The following SESN1 variants were observed in gnomAD, a reference collection of about 807,000 sequenced individuals.
SESN1 encodes sestrin 1.
Under a neutral mutation model 59.3 loss-of-function variants are expected in SESN1, and 30 were observed. The ratio of observed to expected loss-of-function variants is 0.51; its 90% confidence interval spans 0.38 to 0.69. SESN1 has a LOEUF of 0.69. SESN1 is among the 30% of genes least tolerant of loss of function. The pLI, the probability that SESN1 is intolerant of heterozygous loss-of-function variation, is 0.00. For missense variants in SESN1, 566 were observed against 673.0 expected (o/e 0.84, Z 1.76); for synonymous variants, 197 against 219.9 (o/e 0.90, Z 0.92).
chr6:109,051,219 T>A (rs1780536947), intron 1 of SESN1, among the ~76,000 whole-genome samples: 1 of 152,122 alleles, frequency 6.6e-6, no homozygotes, highest in Non-Finnish European at 1.5e-5. Flanking sequence ...TTCTTTTGGA[T>A]CAGTAGCTTT....
rs1162579141 is a variant in SESN1, at chr6:108,985,079, C to T, written c.*2465G>A. Reference sequence around the variant, plus strand: ...GATTCATATATGATATTCACATATACAAATATGCTAGTAACATTTCTGATT... The same window carrying T: ...GATTCATATATGATATTCACATATATAAATATGCTAGTAACATTTCTGATT... On this transcript the variant is annotated 3_prime_UTR_variant, in exon 10 of 10. Transcript: ENST00000436639. 1.3e-5 allele frequency among the ~76,000 whole-genome samples: 2 copies of T among 152,072 alleles called. No homozygotes were observed. The highest frequency in any genetic ancestry group is 2.9e-5 in the Non-Finnish European group (2 of 68,028).
At chr6:109,049,778 T>G (rs1780514583) in intron 1 of SESN1, among the ~76,000 whole-genome samples, 1 of 151,160 alleles carries the variant, frequency 6.6e-6, no homozygotes. Context: ...TTTATATGTA[T>G]TTTTTAATAG....
chr6:109,035,887 C>T lies in SESN1; in HGVS notation c.280-33544G>A, dbSNP rs116013939. Among the ~76,000 whole-genome samples, 1,198 of 152,316 alleles carry T rather than the reference C, an allele frequency of 7.9e-3. 21 individuals carry two copies. Among genetic ancestry groups the T allele is most frequent in the African/African-American group, 0.028 (1,150 of 41,566 alleles). ...CCTCCTGAAGTGCTGGGATTACAGA[C>T]GTGACCACTGCACCACTATCACATA... On this transcript the variant is annotated intron_variant, in intron 1 of 9. Transcript: ENST00000436639.
At chr6:109,022,254 A>T (rs1397532528) in intron 1 of SESN1, among the ~76,000 whole-genome samples, 1 of 152,150 alleles carries the variant, frequency 6.6e-6, no homozygotes, top group Non-Finnish European at 1.5e-5. Flanking sequence ...TGTAGCAGTT[A>T]GGTAAATGAA....
chr6:109,037,814 C>A (rs2114407523), intron 1 of SESN1, among the ~76,000 whole-genome samples: 1 of 151,786 alleles, frequency 6.6e-6, no homozygotes, highest in East Asian at 1.9e-4. Context: ...AGAAACTTGT[C>A]ACCCAGATTC....
intron 1 of SESN1, among the ~76,000 whole-genome samples, chr6:109,066,890 T>G (rs2114461108): frequency 7.6e-6 from 1 of 131,872 alleles, no homozygotes; most frequent in Non-Finnish European, 1.6e-5. Flanking sequence ...AACGTTGAAG[T>G]AACAGATGCC....
chr6:108,999,116 A>T (rs1309972398), intron 4 of SESN1: 1 of 165,664 alleles, frequency 6.0e-6, no homozygotes, highest in East Asian at 1.8e-4. Flanking sequence ...ATTTGTGTTT[A>T]AAAGTAGAAG....
intron 7 of SESN1, among the ~76,000 whole-genome samples, chr6:108,992,476 G>T (rs1025960426): frequency 1.2e-4 from 18 of 151,834 alleles, no homozygotes; most frequent in Non-Finnish European, 2.5e-4. Context: ...TCATAATTCT[G>T]GTAAAATAGT....
chr6:109,038,790 A>G (rs1227593364), intron 1 of SESN1, among the ~76,000 whole-genome samples: 2 of 152,170 alleles, frequency 1.3e-5, no homozygotes, highest in African/African-American at 4.8e-5. Context: ...CATTGTAGGG[A>G]TCAGCTACTT....
rs1398205221 is a variant in SESN1, at chr6:109,000,508, T to C, written c.712A>G (p.Thr238Ala). The change falls in exon 4 of 10, where the codon ACC becomes GCC. Residue 238 changes from threonine (T) to alanine (A), a missense_variant. Transcript: ENST00000436639. The stretch of plus-strand genomic sequence containing the variant: ...CTGCTTACCTCAATGTGTTCTTTGG[T>C]AATAAGCCAAGGTCTATGGGCTAAC... Reference protein sequence around the residue: ...KVLAHRPWLITKEHIEGLLKA... With the variant: ...KVLAHRPWLIAKEHIEGLLKA... 7 of 1,590,562 alleles carry C rather than the reference T, an allele frequency of 4.4e-6. No individual in the cohort carries two copies. Among genetic ancestry groups the C allele is most frequent in the Non-Finnish European group, 6.0e-6 (7 of 1,168,174 alleles).
intron 6 of SESN1, 85 bp from the exon 7 acceptor site, chr6:108,992,984 C>A: frequency 2.5e-6 from 2 of 813,642 alleles, no homozygotes; most frequent in South Asian, 3.0e-5. Flanking sequence ...AATGGCATAA[C>A]TCTTTCTCTG....
chr6:109,005,538 T>C (rs1779715568), intron 1 of SESN1, among the ~76,000 whole-genome samples: 1 of 152,250 alleles, frequency 6.6e-6, no homozygotes, highest in African/African-American at 2.4e-5. Flanking sequence ...ATATAGTTTA[T>C]ATGCCAAATT....
At chr6:109,045,387 CTGA>C (rs1453710329) in intron 1 of SESN1, among the ~76,000 whole-genome samples, 1 of 152,186 alleles carries the variant, frequency 6.6e-6, no homozygotes, top group Non-Finnish European at 1.5e-5. Flanking sequence ...AAATGCAGAT[CTGA>C]TGATGATATA....
At chr6:109,058,115 C>CGCTCTGTTGCCTAG (rs938190382) in intron 1 of SESN1, among the ~76,000 whole-genome samples, 1 of 151,900 alleles carries the variant, frequency 6.6e-6, no homozygotes, top group Non-Finnish European at 1.5e-5. Flanking sequence ...GGCAGGGCCT[C>CGCTCTGTTGCCTAG]GCTCTGTTGC....
chr6:109,054,494 T>C (rs1480917528), intron 1 of SESN1, among the ~76,000 whole-genome samples: 2 of 152,258 alleles, frequency 1.3e-5, no homozygotes, highest in East Asian at 3.9e-4. Flanking sequence ...AAAGATAAAA[T>C]TATGTTACAC....
At chr6:109,024,621 T>A (rs1032808108) in intron 1 of SESN1, among the ~76,000 whole-genome samples, 1 of 152,202 alleles carries the variant, frequency 6.6e-6, no homozygotes, top group Non-Finnish European at 1.5e-5. Flanking sequence ...AAAAAATGCA[T>A]TTAATACACC....
At chr6:109,083,459 A>T (rs541792536) in intron 1 of SESN1, among the ~76,000 whole-genome samples, 10 of 152,346 alleles carry the variant, frequency 6.6e-5, no homozygotes, top group Non-Finnish European at 1.3e-4. Flanking sequence ...ATACACACAC[A>T]TACACAAATC....
intron 1 of SESN1, among the ~76,000 whole-genome samples, chr6:109,071,548 T>C (rs1238607797): frequency 1.3e-5 from 2 of 152,088 alleles, no homozygotes; most frequent in African/African-American, 2.4e-5. Context: ...TGTGTTAATA[T>C]GTATTTCCTG....
At chr6:109,029,275 T>C (rs1482423004) in intron 1 of SESN1, among the ~76,000 whole-genome samples, 1 of 152,174 alleles carries the variant, frequency 6.6e-6, no homozygotes, top group Non-Finnish European at 1.5e-5. Context: ...AGGATACTAT[T>C]AGGAACAATA....
Sources: gnomAD v4.1 joint callset for allele counts (sites outside exome capture counted in the v4.1 genomes callset) on GRCh38, gnomAD v4.1.1 for gene constraint, MANE v1.5 for transcripts, NCBI Gene and HGNC (gene_info 2026-07-23, HGNC 2026-07-21) for gene names.